Variants in FARS2 observed in about 807,000 individuals in gnomAD.
FARS2 encodes the protein phenylalanine--tRNA ligase, mitochondrial.
Under a neutral mutation model 46.4 loss-of-function variants are expected in FARS2, and 40 were observed. That is an observed-to-expected ratio of 0.86 (90% confidence interval 0.67 to 1.12). The LOEUF (loss-of-function observed/expected upper bound fraction) is 1.12. Ranked by LOEUF, FARS2 falls within the 50% of genes most tolerant of loss-of-function variation. The pLI, the probability that FARS2 is intolerant of heterozygous loss-of-function variation, is 0.00. For missense variants in FARS2, 513 were observed against 567.9 expected, an observed-to-expected ratio of 0.90 and a Z score of 0.98; for synonymous variants, 234 against 214.9, an observed-to-expected ratio of 1.09 and a Z score of -0.78.
At chr6:5,308,710 T>C (rs1768893735) in intron 1 of FARS2, among the ~76,000 whole-genome samples, 1 of 152,224 alleles carries the variant, frequency 6.6e-6, no homozygotes, top group Admixed American at 6.5e-5. Flanking sequence ...AACAATGTGT[T>C]GCATATTTTC....
Position 5,411,488 on chromosome 6 carries a change from A to G in FARS2, c.772+6787A>G, listed in dbSNP as rs1282051295. ...TAAAAACTTAAGGTTCACTCTTTCT[A>G]TAATTAGTGATGAATGGGAACTGCC... On this transcript the variant is annotated intron_variant, in intron 3 of 6. Transcript: ENST00000274680. 6.6e-5 allele frequency among the ~76,000 whole-genome samples: 10 copies of G among 152,294 alleles called. No homozygotes were observed. In the East Asian group the frequency reaches 1.5e-3, roughly 24 times the overall value.
At chr6:5,407,526 CA>C (rs1172077360) in intron 3 of FARS2, among the ~76,000 whole-genome samples, 3 of 151,876 alleles carry the variant, frequency 2.0e-5, no homozygotes, top group African/African-American at 7.3e-5. Flanking sequence ...ACATCAACTT[CA>C]GGATAATGTT....
At chr6:5,766,275 G>A (rs1029168830) in intron 6 of FARS2, among the ~76,000 whole-genome samples, 6 of 152,224 alleles carry the variant, frequency 3.9e-5, no homozygotes, top group East Asian at 1.9e-4. Context: ...TAGCAACCTC[G>A]TGGTGCCCAC....
At chr6:5,393,499 A>G (rs913759514) in intron 2 of FARS2, among the ~76,000 whole-genome samples, 93 of 152,040 alleles carry the variant, frequency 6.1e-4, no homozygotes, top group African/African-American at 2.2e-3. Flanking sequence ...TACTAAAAAT[A>G]CAAAAAAAAT....
intron 6 of FARS2, among the ~76,000 whole-genome samples, chr6:5,754,263 C>T (rs1007556738): frequency 4.6e-5 from 7 of 152,278 alleles, no homozygotes; most frequent in Middle Eastern, 3.4e-3. Flanking sequence ...TCAGAGCCAG[C>T]GCTCTCAGCC....
At chr6:5,735,314 T>C (rs1760880644) in intron 6 of FARS2, among the ~76,000 whole-genome samples, 1 of 152,270 alleles carries the variant, frequency 6.6e-6, no homozygotes, top group South Asian at 2.1e-4. Flanking sequence ...TATCCACTGC[T>C]ATTTCCACGT....
At chr6:5,675,638 C>T (rs1445786735) in intron 6 of FARS2, among the ~76,000 whole-genome samples, 1 of 152,138 alleles carries the variant, frequency 6.6e-6, no homozygotes, top group East Asian at 1.9e-4. Flanking sequence ...TTTGTGTCTC[C>T]AAGTTTCTGA....
chr6:5,621,075 G>T (rs1775749169), intron 6 of FARS2, among the ~76,000 whole-genome samples: 1 of 152,192 alleles, frequency 6.6e-6, no homozygotes, highest in African/African-American at 2.4e-5. Flanking sequence ...TGGGCTAATT[G>T]CTGTGGGGTC....
At chr6:5,250,666 T>C in the FARS2 span, among the ~76,000 whole-genome samples, 1 of 152,264 alleles carries the variant, frequency 6.6e-6, no homozygotes, top group East Asian at 1.9e-4. Flanking sequence ...ACAATAGTTC[T>C]TTGTAATACA....
At chr6:5,301,956 A>G (rs1194778653) in intron 1 of FARS2, among the ~76,000 whole-genome samples, 2 of 152,274 alleles carry the variant, frequency 1.3e-5, no homozygotes, top group African/African-American at 4.8e-5. Flanking sequence ...CAGATTAAGA[A>G]GACTTGGTCC....
In FARS2 at chr6:5,383,064, A is replaced by G. The variant is rs1759888835; in HGVS notation, c.612+13882A>G. 1.3e-5 allele frequency among the ~76,000 whole-genome samples: 2 copies of G among 152,252 alleles called. 1 individual carries two copies. Among genetic ancestry groups the G allele is most frequent in the South Asian group, 4.1e-4 (2 of 4,834 alleles). On this transcript the variant is annotated intron_variant, in intron 2 of 6. Transcript: ENST00000274680. ...CAGAAACACCCTCACAGACACATCCAGTAATGATGTTTAATGAAATATCTG... is the reference window on the plus strand; with the variant it reads ...CAGAAACACCCTCACAGACACATCCGGTAATGATGTTTAATGAAATATCTG...
At chr6:5,540,042 T>C (rs1770524167) in intron 4 of FARS2, among the ~76,000 whole-genome samples, 1 of 152,182 alleles carries the variant, frequency 6.6e-6, no homozygotes, top group Non-Finnish European at 1.5e-5. Flanking sequence ...CTCCCTCTTA[T>C]GTGAAGTTCG....
chr6:5,266,815 C>A (rs1411281539), intron 1 of FARS2, among the ~76,000 whole-genome samples: 1 of 152,078 alleles, frequency 6.6e-6, no homozygotes, highest in Non-Finnish European at 1.5e-5. Context: ...TTTATACTAG[C>A]TTTTTAGTTA....
At chr6:5,419,658 C>G (rs1485150276) in intron 3 of FARS2, among the ~76,000 whole-genome samples, 1 of 152,144 alleles carries the variant, frequency 6.6e-6, no homozygotes, top group Non-Finnish European at 1.5e-5. Flanking sequence ...TGGAGCTGAT[C>G]CTAGGCCTAT....
chr6:5,515,293 G>A (rs564018584), intron 4 of FARS2, among the ~76,000 whole-genome samples: 6 of 152,298 alleles, frequency 3.9e-5, no homozygotes, highest in African/African-American at 1.4e-4. Flanking sequence ...ATTTCTCATG[G>A]TGTATGATTA....
Position 5,431,117 on chromosome 6 carries a change from A to G in FARS2, c.849A>G (p.Gly283=), listed in dbSNP as rs746233249. 6.2e-7 allele frequency: 1 copy of G among 1,614,026 alleles called. No homozygotes were observed. Among genetic ancestry groups the G allele is most frequent in the Non-Finnish European group, 8.5e-7 (1 of 1,179,926 alleles). ...TTGAGATGGAGATCAACTTTCATGGAGAATGGCTGGAAGTTCTTGGCTGCG... is the reference window on the plus strand; with the variant it reads ...TTGAGATGGAGATCAACTTTCATGGGGAATGGCTGGAAGTTCTTGGCTGCG... ...PSFEMEINFH[G]EWLEVLGCGV... is the part of the protein sequence containing the mutation. The change falls in exon 4 of 7, where the codon GGA becomes GGG. Residue 283 remains glycine, a synonymous_variant. Coordinates refer to ENST00000274680, the MANE Select transcript of FARS2 (RefSeq NM_006567.5).
intron 4 of FARS2, among the ~76,000 whole-genome samples, chr6:5,450,909 C>G (rs144750695): frequency 2.1e-3 from 322 of 152,252 alleles, no homozygotes; most frequent in African/African-American, 7.5e-3. Context: ...CCGTGATTCT[C>G]CATGAAGGTA....
At chr6:5,551,831 A>G (rs1462913383) in intron 5 of FARS2, among the ~76,000 whole-genome samples, 1 of 152,090 alleles carries the variant, frequency 6.6e-6, no homozygotes, top group Admixed American at 6.5e-5. Flanking sequence ...AAGCCCTGCC[A>G]CTTCCCTCTG....
rs1562011751 is a variant in FARS2, at chr6:5,399,132, TATTATTATTA to T, written c.613-5409_613-5400del. 8.8e-3 allele frequency among the ~76,000 whole-genome samples: 508 copies of T among 57,946 alleles called. 7 individuals carry two copies. Among genetic ancestry groups the T allele is most frequent in the East Asian group, 0.039 (83 of 2,112 alleles). The allele number at this position is 57,946 out of a possible 152,430, so 38.0% of individuals were successfully genotyped here. ...CTGGGTAGATTTTATATTATTTTAT[TATTATTATTA>T]TTATTATTATTATTATTATTATTAT... On this transcript the variant is annotated intron_variant, in intron 2 of 6. Transcript: ENST00000274680.
Sources: gnomAD v4.1 joint callset for allele counts (sites outside exome capture counted in the v4.1 genomes callset) on GRCh38, gnomAD v4.1.1 for gene constraint, MANE v1.5 for transcripts, NCBI Gene and HGNC (gene_info 2026-07-23, HGNC 2026-07-21) for gene names.